Variants in TELO2 observed in about 807,000 individuals in gnomAD.
TELO2 encodes telomere length regulation protein TEL2 homolog.
TELO2 carries 71 observed loss-of-function variants against 91.0 expected under a neutral mutation model. The observed-to-expected ratio is 0.78, with a 90% CI of 0.64 to 0.95. The LOEUF is 0.95. Ranked by LOEUF, TELO2 falls within the 40% of genes least tolerant of loss-of-function variation. TELO2 has a pLI of 0.00. For synonymous variants in TELO2, 584 were observed against 518.9 expected, an observed-to-expected ratio of 1.13 and a Z score of -1.71; for missense variants, 1,183 against 1,141.3, an observed-to-expected ratio of 1.04 and a Z score of -0.53.
chr16:1,504,769 G>A (rs970214361), intron 15 of TELO2, among the ~76,000 whole-genome samples: 4 of 151,854 alleles, frequency 2.6e-5, no homozygotes, highest in African/African-American at 7.3e-5. Flanking sequence ...GTGTTAGCCA[G>A]GATGGTCTCA....
chr16:1,509,814 C>CA lies in TELO2; in HGVS notation c.2408-15dup. 18 of 1,605,178 alleles carry CA rather than the reference C, an allele frequency of 1.1e-5. No individual in the cohort carries two copies. The highest frequency in any genetic ancestry group is 1.4e-5 in the Non-Finnish European group (17 of 1,176,698). On this transcript the variant is annotated splice_polypyrimidine_tract_variant and intron_variant, in intron 20 of 20. Transcript: ENST00000262319. ...TCCACGCTGCCTCAGCTTTGCTTGT[C>CA]ACTCTCGTCTGGCAGACGTGGCTGA...
chr16:1,507,676 C>G lies in TELO2; in HGVS notation c.2367C>G (p.Asp789Glu), dbSNP rs531584946. 4.2e-5 allele frequency: 68 copies of G among 1,604,086 alleles called. No individual in the cohort carries two copies. In the East Asian group the frequency reaches 1.4e-3, roughly 33 times the overall value. The change falls in exon 20 of 21, where the codon GAC (aspartate) becomes GAG (glutamate). Residue 789 changes from aspartate to glutamate, a missense_variant. Asp to Glu is a conservative substitution (Grantham distance 45). Transcript: ENST00000262319. The part of the protein sequence containing the change: ...LSLPAARLLE[D>E]LMDELLEARS... ...TGCCTGCTGCGCGCCTGCTGGAGGA[C>G]CTGATGGACGAGCTGCTGGAAGCCC... is the stretch of plus-strand genomic sequence containing the variant.
chr16:1,500,717 T>C lies in TELO2; in HGVS notation c.1281+18T>C. The C allele has an allele frequency of 5.0e-6, 8 of 1,610,886 alleles. No homozygotes were observed. The highest frequency in any genetic ancestry group is 6.8e-6 in the Non-Finnish European group (8 of 1,179,398). Reference sequence around the variant, plus strand: ...AATTCCAGGTGAGCGGGCCGTCCCCTCCGCGTCCCCGTGTGGCTGGCCCGG... The same window carrying C: ...AATTCCAGGTGAGCGGGCCGTCCCCCCCGCGTCCCCGTGTGGCTGGCCCGG... On this transcript the variant is annotated intron_variant, in intron 9 of 20. Transcript: ENST00000262319.
intron 3 of TELO2, among the ~76,000 whole-genome samples, chr16:1,496,351 C>G (rs2039492636): frequency 6.6e-6 from 1 of 152,220 alleles, no homozygotes; most frequent in Admixed American, 6.5e-5. Flanking sequence ...GGCCCAAGCC[C>G]CCTCGCCTCA....
rs2039420558 is a variant in TELO2 at position 1,494,852 on chromosome 16, G to C, written c.335+236G>C. Among the ~76,000 whole-genome samples the C allele has an allele frequency of 6.6e-6, 1 of 152,218 alleles. No individual in the cohort carries two copies. ...TCCCCGTCCGGCTGTGTCAGAGAGG[G>C]ATGGGGTGGGAGTGTTCACATCCCA... is the stretch of plus-strand genomic sequence containing the variant. On this transcript the variant is annotated intron_variant, in intron 2 of 20. Coordinates refer to ENST00000262319, the MANE Select transcript of TELO2 (RefSeq NM_016111.4). This position sits in a 1 kb window ranked among gnomAD's most constrained non-coding sequence, Gnocchi z 5.6.
At position 1,509,916 on chromosome 16, in the gene TELO2, C is replaced by T. The variant is rs777682589; in HGVS notation, c.2494C>T (p.Leu832Phe). The change falls in exon 21 of 21, where the codon CTC becomes TTC. Residue 832 changes from leucine (L) to phenylalanine (F), a missense_variant. Coordinates refer to ENST00000262319, the MANE Select transcript of TELO2 (RefSeq NM_016111.4). Reference protein sequence around the residue: ...LLLQRLKNRLLPPASP With the variant: ...LLLQRLKNRLFPPASP ...TCTGCAGAGACTCAAGAACAGGCTC[C>T]TCCCACCCGCGTCTCCCTAGTCCCT... The T allele has an allele frequency of 1.2e-6, 2 of 1,602,708 alleles. No homozygotes were observed. Among genetic ancestry groups the T allele is most frequent in the Non-Finnish European group, 1.7e-6 (2 of 1,175,324 alleles).
intron 2 of TELO2, 113 bp from the exon 3 acceptor site, chr16:1,495,233 C>G: frequency 1.4e-6 from 2 of 1,395,830 alleles, no homozygotes; most frequent in Non-Finnish European, 1.9e-6. Context: ...GGACTTCACG[C>G]TGGTTATGTT....
At chr16:1,508,289 C>T (rs1301763609) in intron 20 of TELO2, among the ~76,000 whole-genome samples, 2 of 152,164 alleles carry the variant, frequency 1.3e-5, no homozygotes, top group Admixed American at 6.5e-5. Context: ...CCCACCACTG[C>T]GCCCAGCCAA....
rs780757073 is a variant in TELO2 at position 1,500,439 on chromosome 16, C to T, written c.1095C>T (p.Leu365=). The T allele has an allele frequency of 1.4e-5, 22 of 1,609,426 alleles. No homozygotes were observed. The highest frequency in any genetic ancestry group is 1.8e-5 in the Non-Finnish European group (21 of 1,178,958). ...PQQRHVSKAV[L]ICLAQLGEPE... ...AGCGCCACGTCAGCAAGGCTGTCCT[C>T]ATCTGCCTGGCGCAACTCGGGGAGC... is the stretch of plus-strand genomic sequence containing the variant. Residue 365 remains leucine (L), a synonymous_variant, in exon 8 of 21, where the codon CTC becomes CTT. Transcript: ENST00000262319.
chr16:1,506,820 C>T (rs1440214804), intron 17 of TELO2, 132 bp from the exon 18 acceptor site: 85 of 1,426,578 alleles, frequency 6.0e-5, no homozygotes, highest in Non-Finnish European at 7.1e-5. Context: ...CCTACGATCT[C>T]GGTGCAGGCA....
chr16:1,502,929 A>C lies in TELO2; in HGVS notation c.1771-2A>C. On this transcript the variant is annotated splice_acceptor_variant, in intron 14 of 20. Coordinates refer to ENST00000262319, the MANE Select transcript of TELO2 (RefSeq NM_016111.4). LOFTEE classifies it high-confidence loss of function. The stretch of plus-strand genomic sequence containing the variant: ...ACAGCAGCCTCTCCCCTGTGTCCTC[A>C]GGTGGCCGACTATCTGACCTCACAG... The C allele has an allele frequency of 6.2e-7, 1 of 1,610,880 alleles. No individual in the cohort carries two copies.
Position 1,501,726 on chromosome 16 carries a change from CGGCG to C in TELO2, c.1426_1429del (p.Gly476SerfsTer30). 1 of 1,611,976 alleles carries C rather than the reference CGGCG, an allele frequency of 6.2e-7. No individual in the cohort carries two copies. The highest frequency in any genetic ancestry group is 2.2e-5 in the East Asian group (1 of 44,886). The stretch of plus-strand genomic sequence containing the variant: ...AGACCCCCGCAGAGATCGTGGATGG[CGGCG>C]TCCCCCAAGCACAGCTGGCGGGCTC... On this transcript the variant is annotated frameshift_variant, in exon 11 of 21. Coordinates refer to ENST00000262319, the MANE Select transcript of TELO2 (RefSeq NM_016111.4). LOFTEE classifies it high-confidence loss of function.
At position 1,494,674 on chromosome 16, in the gene TELO2, C is replaced by T; in HGVS notation, c.335+58C>T. The stretch of plus-strand genomic sequence containing the variant: ...GTAGCCTCAGAAGTGATGAGAGTGG[C>T]TTGAAGGACTGGACCAAGAGCCTCT... On this transcript the variant is annotated intron_variant, in intron 2 of 20. Transcript: ENST00000262319. The surrounding 1 kb of genome is among the most constrained non-coding windows in gnomAD (Gnocchi z 5.6). 1 of 1,520,120 alleles carries T rather than the reference C, an allele frequency of 6.6e-7. No homozygotes were observed. Among genetic ancestry groups the T allele is most frequent in the Non-Finnish European group, 8.9e-7 (1 of 1,127,532 alleles). The allele number at this position is 1,520,120 out of a possible 1,614,324, so 94.2% of individuals were successfully genotyped here.
At chr16:1,499,673 T>C (rs1361688874) in intron 6 of TELO2, among the ~76,000 whole-genome samples, 1 of 152,052 alleles carries the variant, frequency 6.6e-6, no homozygotes, top group Admixed American at 6.5e-5. Flanking sequence ...GACTTATGAC[T>C]CCCGTCCCCA....
chr16:1,494,766 CTG>C lies in TELO2; in HGVS notation c.335+154_335+155del. On this transcript the variant is annotated intron_variant, in intron 2 of 20. Coordinates refer to ENST00000262319, the MANE Select transcript of TELO2 (RefSeq NM_016111.4). The surrounding 1 kb of genome is among the most constrained non-coding windows in gnomAD (Gnocchi z 5.6). ...TGAACCCCTGAACAGAAGAAGCGGT[CTG>C]TGTCTGTCTCCTTTGCGACGGGAGG... 1.1e-6 allele frequency: 1 copy of C among 892,726 alleles called. No homozygotes were observed. Among genetic ancestry groups the C allele is most frequent in the East Asian group, 2.7e-5 (1 of 37,536 alleles). The allele number at this position is 892,726 out of a possible 1,614,324, so 55.3% of individuals were successfully genotyped here.
Position 1,494,394 on chromosome 16 carries a change from A to G in TELO2, c.113A>G (p.Tyr38Cys), listed in dbSNP as rs2039404605. ...TGCACCCTGGAGTCCCTGAAGCGGTATCTCGGTGAGATGGAGCCTCCAGCG... is the reference window on the plus strand; with the variant it reads ...TGCACCCTGGAGTCCCTGAAGCGGTGTCTCGGTGAGATGGAGCCTCCAGCG... ...IFCTLESLKRYLGEMEPPALP... is the reference protein window; with the variant it reads ...IFCTLESLKRCLGEMEPPALP... Residue 38 changes from tyrosine (Y) to cysteine (C), a missense_variant, in exon 2 of 21, where the codon TAT becomes TGT. Coordinates refer to ENST00000262319, the MANE Select transcript of TELO2 (RefSeq NM_016111.4). This position sits in a 1 kb window ranked among gnomAD's most constrained non-coding sequence, Gnocchi z 5.6. The G allele has an allele frequency of 1.2e-6, 2 of 1,613,380 alleles. No individual in the cohort carries two copies. The highest frequency in any genetic ancestry group is 1.7e-5 in the Admixed American group (1 of 59,998).
At position 1,503,012 on chromosome 16, in the gene TELO2, T is replaced by C; in HGVS notation, c.1842+10T>C. ...CATGGACATCCTGGATGTAAGTGCC[T>C]CCTGGGCCTCAGTCCCCCTGGTCTG... On this transcript the variant is annotated intron_variant, in intron 15 of 20. Coordinates refer to ENST00000262319, the MANE Select transcript of TELO2 (RefSeq NM_016111.4). 6.2e-7 allele frequency: 1 copy of C among 1,609,058 alleles called. No individual in the cohort carries two copies. The highest frequency in any genetic ancestry group is 8.5e-7 in the Non-Finnish European group (1 of 1,179,928).
Position 1,499,544 on chromosome 16 carries a change from A to C in TELO2, c.933+211A>C, listed in dbSNP as rs563223781. ...CTGAGTGAGGGCTTCTCATGTGTCA[A>C]TCTTCTAGACTCCCGAGAAGCCACC... On this transcript the variant is annotated intron_variant, in intron 6 of 20. Transcript: ENST00000262319. Among the ~76,000 whole-genome samples the C allele has an allele frequency of 2.3e-5, 3 of 128,852 alleles. No homozygotes were observed. The South Asian group carries it at 7.5e-4, about 32-fold the overall frequency. The allele number at this position is 128,852 out of a possible 152,430, so 84.5% of individuals were successfully genotyped here. A position where few individuals can be genotyped will look rare whatever the true frequency, so the allele number is the denominator to read the frequency against.
chr16:1,501,415 T>G lies in TELO2; in HGVS notation c.1282-5T>G. 6.2e-7 allele frequency: 1 copy of G among 1,612,234 alleles called. No homozygotes were observed. On this transcript the variant is annotated splice_region_variant and splice_polypyrimidine_tract_variant and intron_variant, in intron 9 of 20. Coordinates refer to ENST00000262319, the MANE Select transcript of TELO2 (RefSeq NM_016111.4). ...GATGCCGCTGAGCCTGCTCCCCTGC[T>G]GTAGTACGAAGAGGATGAACTGAGC... is the stretch of plus-strand genomic sequence containing the variant.
Sources: gnomAD v4.1 joint callset for allele counts (sites outside exome capture counted in the v4.1 genomes callset) on GRCh38, gnomAD v4.1.1 for gene constraint, Gnocchi (gnomAD v3.1) non-coding constraint, MANE v1.5 for transcripts, NCBI Gene and HGNC (gene_info 2026-07-23, HGNC 2026-07-21) for gene names.